DNAH17: variants seen among roughly 807,000 people sequenced by gnomAD.
DNAH17 encodes dynein axonemal heavy chain 17.
In DNAH17, 376 loss-of-function variants were observed where a neutral mutation model predicts 485.6. The observed-to-expected ratio is 0.77, with a 90% confidence interval of 0.71 to 0.84. The LOEUF is 0.84. Among genes scored for constraint, DNAH17 ranks in the 40% least tolerant of loss-of-function variants. The pLI, the probability that DNAH17 is intolerant of heterozygous loss-of-function variation, is 0.00. For missense variants in DNAH17, 6,370 were observed against 5,839.3 expected (o/e 1.09, Z -2.96); for synonymous variants, 3,031 against 2,405.9 (o/e 1.26, Z -7.60).
chr17:78,466,136 G>A (rs62073516), intron 56 of DNAH17, among the ~76,000 whole-genome samples: 2 of 152,154 alleles, frequency 1.3e-5, no homozygotes, highest in Admixed American at 6.5e-5. Context: ...CTTACCCCCA[G>A]CCCTGTGCTC....
chr17:78,432,455 A>T (rs2086709735), intron 75 of DNAH17, among the ~76,000 whole-genome samples: 1 of 152,208 alleles, frequency 6.6e-6, no homozygotes, highest in African/African-American at 2.4e-5. Flanking sequence ...GCCAGGGAGC[A>T]CAGGGAGCCA....
intron 15 of DNAH17, among the ~76,000 whole-genome samples, chr17:78,551,903 C>T (rs1386177931): frequency 6.6e-6 from 1 of 150,472 alleles, no homozygotes; most frequent in Non-Finnish European, 1.5e-5. Flanking sequence ...GCAGAGGTTG[C>T]AGTGAGCCGA....
intron 14 of DNAH17, among the ~76,000 whole-genome samples, chr17:78,553,186 C>CCAGAAA (rs2091941243): frequency 6.6e-6 from 1 of 151,898 alleles, no homozygotes; most frequent in Non-Finnish European, 1.5e-5. Context: ...TGAGGTCCCC[C>CCAGAAA]CAGAAACAGA....
intron 55 of DNAH17, 68 bp downstream of exon 55, chr17:78,468,549 A>C: frequency 2.0e-6 from 3 of 1,528,652 alleles, no homozygotes; most frequent in Non-Finnish European, 2.6e-6. Context: ...CAGAGCAAAA[A>C]CCCATACCCT....
In DNAH17 at chr17:78,574,844, G is replaced by C. The variant is rs754631973; in HGVS notation, c.214C>G (p.Leu72Val). ...IIPCLGFPQS[L>V]KSKGVYFIKT... Reference sequence around the variant, plus strand: ...ATGAAGTAAACCCCTTTGGACTTGAGGGACTGGGGGAAGCCCAGGCAGGGT... The same window carrying C: ...ATGAAGTAAACCCCTTTGGACTTGACGGACTGGGGGAAGCCCAGGCAGGGT... Residue 72 changes from leucine (L) to valine (V), a missense_variant, in exon 2 of 81, where the codon CTC (leucine) becomes GTC (valine). Physicochemically the swap from Leu to Val is conservative, Grantham distance 32. Coordinates refer to ENST00000389840, the MANE Select transcript of DNAH17 (RefSeq NM_173628.4). The C allele has an allele frequency of 9.9e-6, 16 of 1,613,922 alleles. No individual in the cohort carries two copies. The highest frequency in any genetic ancestry group is 1.2e-5 in the Non-Finnish European group (14 of 1,179,902).
chr17:78,555,543 C>CACAAAA (rs1555693738), intron 14 of DNAH17, among the ~76,000 whole-genome samples: 1 of 77,714 alleles, frequency 1.3e-5, no homozygotes, highest in East Asian at 4.5e-4. Flanking sequence ...GATTCCGTCA[C>CACAAAA]AAAAAAAAAA....
chr17:78,495,867 C>A lies in DNAH17; in HGVS notation c.5903+8G>T. 6.2e-7 allele frequency: 1 copy of A among 1,609,792 alleles called. No homozygotes were observed. Among genetic ancestry groups the A allele is most frequent in the Non-Finnish European group, 8.5e-7 (1 of 1,177,190 alleles). On this transcript the variant is annotated splice_region_variant and intron_variant, in intron 38 of 80. Transcript: ENST00000389840. ...CTGCAGCCACTCACTTTCACCTGGG[C>A]CACGTACCTGAATAAGGCTTTTAGG... is the stretch of plus-strand genomic sequence containing the variant.
intron 63 of DNAH17, among the ~76,000 whole-genome samples, 193 bp downstream of exon 63, chr17:78,455,451 C>A (rs2087750455): frequency 6.6e-6 from 1 of 151,686 alleles, no homozygotes; most frequent in African/African-American, 2.4e-5. Context: ...TCAGCCTCCC[C>A]AGTAGCTGGG....
At chr17:78,427,238 G>T in intron 77 of DNAH17, 130 bp from the exon 78 acceptor site, 2 of 884,172 alleles carry the variant, frequency 2.3e-6, no homozygotes, top group Non-Finnish European at 3.5e-6. Flanking sequence ...AAGTAGAGTT[G>T]CCAGAAATGC....
In DNAH17 at chr17:78,455,654, T is replaced by C. The variant is rs1271875279; in HGVS notation, c.10160A>G (p.His3387Arg). ...LMEKFWIPYI[H>R]NLKVPIPITN... ...GACTCCACTCCTTACCTTTAAGTTA[T>C]GTATGTAAGGGATCCAGAATTTCTC... is the stretch of plus-strand genomic sequence containing the variant. Residue 3387 changes from histidine (H) to arginine (R), a missense_variant, in exon 63 of 81, where the codon CAT becomes CGT. Coordinates refer to ENST00000389840, the MANE Select transcript of DNAH17 (RefSeq NM_173628.4). 4.5e-6 allele frequency: 7 copies of C among 1,550,680 alleles called. No individual in the cohort carries two copies. The East Asian group carries it at 7.4e-5, about 16-fold the overall frequency.
At chr17:78,473,371 C>T (rs1320541736) in intron 54 of DNAH17, among the ~76,000 whole-genome samples, 2 of 151,822 alleles carry the variant, frequency 1.3e-5, no homozygotes, top group Non-Finnish European at 2.9e-5. Context: ...GGTGAAACCC[C>T]GTCTCTACTA....
chr17:78,557,734 C>CTGT (rs2092058692), intron 14 of DNAH17, among the ~76,000 whole-genome samples: 3 of 149,392 alleles, frequency 2.0e-5, no homozygotes, highest in South Asian at 4.3e-4. Context: ...ACTATCTTTG[C>CTGT]TGCTATTTGC....
intron 3 of DNAH17, among the ~76,000 whole-genome samples, chr17:78,572,233 G>GA (rs1430074161): frequency 2.1e-5 from 3 of 145,720 alleles, no homozygotes; most frequent in African/African-American, 7.9e-5. Context: ...GGTGCGAGGG[G>GA]ACACCTTGGA....
chr17:78,439,276 T>C, intron 72 of DNAH17, 59 bp from the exon 73 acceptor site: 1 of 1,534,590 alleles, frequency 6.5e-7, no homozygotes, highest in Non-Finnish European at 8.8e-7. Flanking sequence ...AGGTTCAGGC[T>C]CTGTGATCTA....
chr17:78,548,368 C>T (rs1438153015), intron 16 of DNAH17, among the ~76,000 whole-genome samples: 3 of 152,028 alleles, frequency 2.0e-5, no homozygotes, highest in Non-Finnish European at 4.4e-5. Flanking sequence ...CTACACCTGG[C>T]TAATTTTTTG....
At chr17:78,476,522 C>G (rs772040340) in intron 52 of DNAH17, 50 bp downstream of exon 52, 2 of 1,566,086 alleles carry the variant, frequency 1.3e-6, no homozygotes, top group Non-Finnish European at 8.7e-7. Context: ...ACACTCCACC[C>G]TCCTGGAGCC....
chr17:78,460,364 AC>A (rs2088050890), intron 58 of DNAH17, 107 bp from the exon 59 acceptor site: 3 of 160,078 alleles, frequency 1.9e-5, no homozygotes, highest in Admixed American at 2.6e-4. Flanking sequence ...GCATGTATGC[AC>A]GTGCATGAGT....
Position 78,537,191 on chromosome 17 carries a change from G to GAAAAA in DNAH17, c.2859+103_2859+107dup. ...AGATTCCGTCTCAAAAAAAAAAAAA[G>GAAAAA]AAAAAAAGAAAAGGTAAACGGCGAA... is the stretch of plus-strand genomic sequence containing the variant. On this transcript the variant is annotated intron_variant, in intron 19 of 80. Coordinates refer to ENST00000389840, the MANE Select transcript of DNAH17 (RefSeq NM_173628.4). 13 of 1,175,404 alleles carry GAAAAA rather than the reference G, an allele frequency of 1.1e-5. No homozygotes were observed. The African/African-American group carries it at 1.5e-4, about 13-fold the overall frequency. 72.8% of individuals were successfully genotyped at this position (1,175,404 alleles called of 1,614,324 possible).
Position 78,461,450 on chromosome 17 carries a change from C to T in DNAH17, c.9339+94G>A, listed in dbSNP as rs1032121846. The stretch of plus-strand genomic sequence containing the variant: ...TCTATGTAAGTCTCAGCCTTTCCCA[C>T]GCCTGTCGGTGGCACCTGACCACAC... On this transcript the variant is annotated intron_variant, in intron 58 of 80. Coordinates refer to ENST00000389840, the MANE Select transcript of DNAH17 (RefSeq NM_173628.4). 47 of 1,303,640 alleles carry T rather than the reference C, an allele frequency of 3.6e-5. 1 individual carries two copies. Among genetic ancestry groups the T allele is most frequent in the East Asian group, 8.6e-5 (3 of 34,812 alleles). The allele number at this position is 1,303,640 out of a possible 1,614,324, so 80.8% of individuals were successfully genotyped here.
Sources: gnomAD v4.1 joint callset for allele counts (sites outside exome capture counted in the v4.1 genomes callset) on GRCh38, gnomAD v4.1.1 for gene constraint, MANE v1.5 for transcripts, NCBI Gene and HGNC (gene_info 2026-07-23, HGNC 2026-07-21) for gene names.